The following GLDC variants were observed in gnomAD, a reference collection of about 807,000 sequenced individuals.
The protein encoded by GLDC is glycine dehydrogenase (decarboxylating), mitochondrial.
GLDC carries 104 observed loss-of-function variants against 121.3 expected under a neutral mutation model. The ratio of observed to expected loss-of-function variants is 0.86; its 90% confidence interval spans 0.73 to 1.01. GLDC has a LOEUF of 1.01. Among genes scored for constraint, GLDC ranks in the 50% least tolerant of loss-of-function variants. The probability of loss-of-function intolerance (pLI) is 0.00; values close to 1 mark genes in which losing one functional copy is unlikely to be tolerated. For synonymous variants in GLDC, 546 were observed against 480.6 expected (o/e 1.14, Z -1.78); for missense variants, 1,429 against 1,306.6 (o/e 1.09, Z -1.44).
chr9:6,587,497 G>A, intron 14 of GLDC, among the ~76,000 whole-genome samples: 1 of 152,022 alleles, frequency 6.6e-6, no homozygotes, highest in Middle Eastern at 3.2e-3. Context: ...GTCCAAAAAG[G>A]GAACTTACAC....
intron 2 of GLDC, among the ~76,000 whole-genome samples, chr9:6,643,752 G>C (rs1242485240): frequency 2.0e-5 from 3 of 151,634 alleles, no homozygotes; most frequent in African/African-American, 7.3e-5. Context: ...AACCATTCGG[G>C]GTAGGGCACA....
At chr9:6,578,447 G>A (rs1187948094) in intron 15 of GLDC, among the ~76,000 whole-genome samples, 1 of 152,032 alleles carries the variant, frequency 6.6e-6, no homozygotes, top group African/African-American at 2.4e-5. Flanking sequence ...GTTATTTACA[G>A]CTATAAACTT....
rs752086205 is a variant in GLDC at position 6,556,313 on chromosome 9, A to G, written c.2053-11T>C. ...CTTGTGCTTATCCACCTGTGAAAGA[A>G]AAGGGGTAGAGAAGGACATGGAGGG... On this transcript the variant is annotated splice_polypyrimidine_tract_variant and intron_variant, in intron 17 of 24. Coordinates refer to ENST00000321612, the MANE Select transcript of GLDC (RefSeq NM_000170.3). The G allele has an allele frequency of 8.1e-6, 13 of 1,611,604 alleles. No individual in the cohort carries two copies. Among genetic ancestry groups the G allele is most frequent in the Non-Finnish European group, 1.0e-5 (12 of 1,177,782 alleles).
chr9:6,565,551 G>C, intron 15 of GLDC, 122 bp from the exon 16 acceptor site: 1 of 771,252 alleles, frequency 1.3e-6, no homozygotes, highest in Admixed American at 1.9e-5. Context: ...CTGTCCAGAC[G>C]CTGAGAGAAG....
chr9:6,597,659 G>A (rs1284825305), intron 8 of GLDC, among the ~76,000 whole-genome samples: 4 of 152,134 alleles, frequency 2.6e-5, no homozygotes, highest in South Asian at 2.1e-4. Context: ...ATATATGGCC[G>A]GGCATGGTGG....
chr9:6,620,549 T>C (rs1819071397), intron 2 of GLDC, among the ~76,000 whole-genome samples: 1 of 152,158 alleles, frequency 6.6e-6, no homozygotes, highest in African/African-American at 2.4e-5. Context: ...CATCACTGTT[T>C]TGACTGTTCC....
rs1212346753 is a variant in GLDC at position 6,554,649 on chromosome 9, A to G, written c.2315+20T>C. ...ATTCTGTCTCCAAAGCCATCCTGAAACCAGCAGCCCAGAACTTACACTCCG... is the reference window on the plus strand; with the variant it reads ...ATTCTGTCTCCAAAGCCATCCTGAAGCCAGCAGCCCAGAACTTACACTCCG... On this transcript the variant is annotated intron_variant, in intron 19 of 24. Coordinates refer to ENST00000321612, the MANE Select transcript of GLDC (RefSeq NM_000170.3). 2 of 1,544,150 alleles carry G rather than the reference A, an allele frequency of 1.3e-6. No individual in the cohort carries two copies. The highest frequency in any genetic ancestry group is 1.8e-6 in the Non-Finnish European group (2 of 1,119,330).
At chr9:6,547,853 G>A (rs1420908873) in intron 21 of GLDC, among the ~76,000 whole-genome samples, 2 of 152,210 alleles carry the variant, frequency 1.3e-5, no homozygotes, top group Non-Finnish European at 2.9e-5. Context: ...TTGTAGGCCA[G>A]GTGCAGTGGC....
At chr9:6,606,732 A>T in intron 4 of GLDC, 63 bp from the exon 5 acceptor site, 1 of 959,878 alleles carries the variant, frequency 1.0e-6, no homozygotes, top group South Asian at 1.3e-5. Flanking sequence ...TCTTCTAAGA[A>T]CGCAAAGCAA....
At chr9:6,619,209 G>T (rs1471047221) in intron 3 of GLDC, among the ~76,000 whole-genome samples, 2 of 148,850 alleles carry the variant, frequency 1.3e-5, no homozygotes, top group Non-Finnish European at 3.0e-5. Flanking sequence ...TAACTGTTGA[G>T]GTAAGACTGG....
At chr9:6,639,914 G>A (rs116406043) in intron 2 of GLDC, among the ~76,000 whole-genome samples, 1,955 of 152,026 alleles carry the variant, frequency 0.013, 52 homozygotes, top group African/African-American at 0.045. Context: ...CTAACAATTG[G>A]CCCCAAATGG....
intron 18 of GLDC, 150 bp from the exon 19 acceptor site, chr9:6,554,931 C>G: frequency 1.4e-6 from 1 of 707,252 alleles, no homozygotes; most frequent in South Asian, 1.5e-5. Context: ...GTCCTCTATA[C>G]TGGCCCAGTT....
intron 20 of GLDC, among the ~76,000 whole-genome samples, chr9:6,551,489 T>A (rs970429373): frequency 2.6e-5 from 4 of 152,346 alleles, no homozygotes; most frequent in African/African-American, 9.6e-5. Flanking sequence ...TATGGCCTAC[T>A]TTCTTCCCAG....
At chr9:6,635,253 A>G (rs1179429571) in intron 2 of GLDC, among the ~76,000 whole-genome samples, 1 of 152,186 alleles carries the variant, frequency 6.6e-6, no homozygotes, top group African/African-American at 2.4e-5. Flanking sequence ...TATCTTCTAC[A>G]TCTGACTCTC....
intron 15 of GLDC, among the ~76,000 whole-genome samples, chr9:6,585,898 TC>T (rs1398906342): frequency 0.045 from 2,386 of 53,288 alleles, 25 homozygotes; most frequent in African/African-American, 0.065. Flanking sequence ...CTATCATCTG[TC>T]CATCGGTCCA....
intron 12 of GLDC, among the ~76,000 whole-genome samples, chr9:6,588,940 G>C (rs1818322364): frequency 1.3e-5 from 2 of 152,130 alleles, no homozygotes; most frequent in Non-Finnish European, 2.9e-5. Context: ...GAGGATATAG[G>C]GCTCTTGGGA....
chr9:6,643,020 C>A (rs534491027), intron 2 of GLDC, among the ~76,000 whole-genome samples: 1 of 152,026 alleles, frequency 6.6e-6, no homozygotes, highest in Admixed American at 6.6e-5. Flanking sequence ...ACATTAGCCT[C>A]CGGAGTAGCT....
intron 22 of GLDC, among the ~76,000 whole-genome samples, chr9:6,538,273 C>T (rs1242940444): frequency 6.6e-6 from 1 of 152,116 alleles, no homozygotes; most frequent in Admixed American, 6.5e-5. Flanking sequence ...GGCCCTGATT[C>T]AGGAAGTCCA....
At chr9:6,580,143 G>A (rs1181811347) in intron 15 of GLDC, among the ~76,000 whole-genome samples, 1 of 152,096 alleles carries the variant, frequency 6.6e-6, no homozygotes, top group Admixed American at 6.5e-5. Context: ...ACTGCCTTTC[G>A]TCTCAGGGTT....
Sources: allele counts gnomAD v4.1 joint callset (sites outside exome capture counted in the v4.1 genomes callset), GRCh38; gene constraint gnomAD v4.1.1; transcripts MANE v1.5; gene names NCBI Gene and HGNC (gene_info 2026-07-23, HGNC 2026-07-21).